Variants in GALNT13 observed in about 807,000 individuals in gnomAD.
The protein encoded by GALNT13 is polypeptide N-acetylgalactosaminyltransferase 13.
A neutral mutation model predicts 64.2 loss-of-function variants in GALNT13; 28 were observed. The observed-to-expected ratio is 0.44, with a 90% CI of 0.32 to 0.60. The LOEUF (loss-of-function observed/expected upper bound fraction) is 0.60, where lower values mean the gene tolerates loss of function less well. GALNT13 is among the 20% of genes least tolerant of loss of function. The pLI is 0.05. For synonymous variants in GALNT13, 214 were observed against 224.6 expected, an observed-to-expected ratio of 0.95 and a Z score of 0.42; for missense variants, 577 against 669.8, an observed-to-expected ratio of 0.86 and a Z score of 1.53.
At chr2:153,112,352 C>T in the GALNT13 span, among the ~76,000 whole-genome samples, 1 of 152,118 alleles carries the variant, frequency 6.6e-6, no homozygotes, top group Non-Finnish European at 1.5e-5. Flanking sequence ...CCTGTCTTGT[C>T]CATCAGTGCC....
intron 3 of GALNT13, among the ~76,000 whole-genome samples, chr2:153,989,361 G>A (rs764583950): frequency 6.6e-6 from 1 of 151,784 alleles, no homozygotes; most frequent in Non-Finnish European, 1.5e-5. Context: ...AATTAAGAGA[G>A]AGTGGAAAGT....
At chr2:153,290,758 G>C in the GALNT13 span, among the ~76,000 whole-genome samples, 2 of 152,132 alleles carry the variant, frequency 1.3e-5, no homozygotes, top group Non-Finnish European at 2.9e-5. Flanking sequence ...GCATGGAGTA[G>C]TGTTTTGATA....
chr2:153,336,037 G>A, the GALNT13 span, among the ~76,000 whole-genome samples: 1 of 152,186 alleles, frequency 6.6e-6, no homozygotes, highest in African/African-American at 2.4e-5. Context: ...TCTTGAGCCT[G>A]CAGATGGACA....
At chr2:153,833,116 C>A in the GALNT13 span, among the ~76,000 whole-genome samples, 1 of 152,168 alleles carries the variant, frequency 6.6e-6, no homozygotes, top group Non-Finnish European at 1.5e-5. Flanking sequence ...CTTTCTCCAG[C>A]ATCTCCATGC....
intron 4 of GALNT13, among the ~76,000 whole-genome samples, chr2:154,177,400 G>A (rs984116758): frequency 6.6e-6 from 1 of 152,104 alleles, no homozygotes; most frequent in South Asian, 2.1e-4. Context: ...GTTGCCAGGA[G>A]CTGGGGAGGG....
the GALNT13 span, among the ~76,000 whole-genome samples, chr2:153,683,664 G>A: frequency 6.6e-6 from 1 of 151,616 alleles, no homozygotes; most frequent in Non-Finnish European, 1.5e-5. Context: ...AATGCCCTTG[G>A]ACTTTTGATG....
At chr2:154,089,934 A>G (rs1701722667) in intron 3 of GALNT13, among the ~76,000 whole-genome samples, 1 of 151,802 alleles carries the variant, frequency 6.6e-6, no homozygotes, top group Non-Finnish European at 1.5e-5. Context: ...CATTATTAAC[A>G]TCATTTATTG....
the GALNT13 span, among the ~76,000 whole-genome samples, chr2:153,378,056 T>C: frequency 6.6e-6 from 1 of 152,174 alleles, no homozygotes; most frequent in Non-Finnish European, 1.5e-5. Context: ...TGTATTATTC[T>C]TTAGAGTCTC....
At chr2:153,277,179 G>A in the GALNT13 span, among the ~76,000 whole-genome samples, 1 of 152,172 alleles carries the variant, frequency 6.6e-6, no homozygotes, top group Non-Finnish European at 1.5e-5. Flanking sequence ...GTACCCCATA[G>A]GCAGATTTTC....
chr2:153,274,138 G>A, the GALNT13 span, among the ~76,000 whole-genome samples: 1 of 152,118 alleles, frequency 6.6e-6, no homozygotes, highest in Admixed American at 6.5e-5. Context: ...GGGAGGCGGA[G>A]GTGGCAGTGA....
At chr2:153,981,002 A>C (rs551762522) in intron 3 of GALNT13, among the ~76,000 whole-genome samples, 1 of 152,274 alleles carries the variant, frequency 6.6e-6, no homozygotes, top group African/African-American at 2.4e-5. Flanking sequence ...AAAAAATTTT[A>C]AAATATCTTT....
At chr2:153,742,116 C>T in the GALNT13 span, among the ~76,000 whole-genome samples, 12,439 of 152,110 alleles carry the variant, frequency 0.082, 1,116 homozygotes, top group African/African-American at 0.22. Flanking sequence ...CTTTGAACCA[C>T]CATCTCCCCA....
At chr2:153,768,864 T>C in the GALNT13 span, among the ~76,000 whole-genome samples, 3 of 152,192 alleles carry the variant, frequency 2.0e-5, no homozygotes, top group South Asian at 6.2e-4. Flanking sequence ...AGACTCCATC[T>C]AAATAAAATA....
the GALNT13 span, among the ~76,000 whole-genome samples, chr2:153,755,756 A>T: frequency 6.6e-6 from 1 of 152,038 alleles, no homozygotes; most frequent in East Asian, 1.9e-4. Context: ...CTTTAACTAG[A>T]CTACATTATT....
At chr2:153,078,559 C>A in the GALNT13 span, among the ~76,000 whole-genome samples, 1 of 152,070 alleles carries the variant, frequency 6.6e-6, no homozygotes, top group Non-Finnish European at 1.5e-5. Context: ...GATCCGCCCA[C>A]CTCGGCCTCC....
the GALNT13 span, among the ~76,000 whole-genome samples, chr2:153,581,858 A>G: frequency 4.6e-4 from 70 of 152,212 alleles, no homozygotes; most frequent in South Asian, 0.014. Flanking sequence ...AATTTTGACT[A>G]CATTTATTTC....
chr2:153,078,641 G>T, the GALNT13 span, among the ~76,000 whole-genome samples: 10 of 151,888 alleles, frequency 6.6e-5, no homozygotes, highest in Non-Finnish European at 1.3e-4. Context: ...GCTTCCTCTT[G>T]ATTTACACCT....
the GALNT13 span, among the ~76,000 whole-genome samples, chr2:153,210,750 G>C: frequency 3.3e-5 from 5 of 152,064 alleles, no homozygotes; most frequent in African/African-American, 1.2e-4. Flanking sequence ...AGTTTAGTTG[G>C]CAATTTTAGA....
chr2:153,416,864 A>G, the GALNT13 span, among the ~76,000 whole-genome samples: 1 of 152,184 alleles, frequency 6.6e-6, no homozygotes, highest in Non-Finnish European at 1.5e-5. Context: ...CAACTTTTGT[A>G]GCACCTGAAT....
Sources: allele counts gnomAD v4.1 joint callset (sites outside exome capture counted in the v4.1 genomes callset), GRCh38; gene constraint gnomAD v4.1.1; transcripts MANE v1.5; gene names NCBI Gene and HGNC (gene_info 2026-07-23, HGNC 2026-07-21).